The following GRIK4 variants were observed in gnomAD, a reference collection of about 807,000 sequenced individuals.
GRIK4 encodes the protein glutamate ionotropic receptor kainate type subunit 4.
GRIK4 carries 40 observed loss-of-function variants against 104.9 expected under a neutral mutation model. The observed-to-expected ratio is 0.38, with a 90% CI of 0.30 to 0.50. The LOEUF (loss-of-function observed/expected upper bound fraction) is 0.50, where lower values mean the gene tolerates loss of function less well. Ranked by LOEUF, GRIK4 falls within the 20% of genes least tolerant of loss-of-function variation. The pLI, the probability that GRIK4 is intolerant of heterozygous loss-of-function variation, is 0.93. For synonymous variants in GRIK4, 485 were observed against 524.9 expected, an observed-to-expected ratio of 0.92 and a Z score of 1.04; for missense variants, 1,047 against 1,308.1, an observed-to-expected ratio of 0.80 and a Z score of 3.08.
At chr11:120,767,378 A>C (rs1055796474) in intron 3 of GRIK4, among the ~76,000 whole-genome samples, 10 of 152,116 alleles carry the variant, frequency 6.6e-5, no homozygotes, top group Non-Finnish European at 1.3e-4. Flanking sequence ...TCCTTTGCCC[A>C]TTTTTAAATT....
chr11:120,968,051 C>T (rs992166271), intron 19 of GRIK4, among the ~76,000 whole-genome samples: 3 of 152,198 alleles, frequency 2.0e-5, no homozygotes, highest in African/African-American at 7.2e-5. Context: ...ATGTAAGTTT[C>T]ATGAGGGTAG....
chr11:120,697,523 G>C lies in GRIK4; in HGVS notation c.82+37123G>C, dbSNP rs147743267. On this transcript the variant is annotated intron_variant, in intron 3 of 20. Transcript: ENST00000527524. ...CTAGCTACTGGGGAGGCTGAGGCAG[G>C]AGAATTGCTTGAGCCCGAAAGACAG... is the stretch of plus-strand genomic sequence containing the variant. 1.4e-4 allele frequency among the ~76,000 whole-genome samples: 21 copies of C among 152,326 alleles called. 1 individual carries two copies. The East Asian group carries it at 4.0e-3, about 29-fold the overall frequency.
intron 1 of GRIK4, among the ~76,000 whole-genome samples, chr11:120,577,398 T>G (rs1948499240): frequency 6.6e-6 from 1 of 151,928 alleles, no homozygotes; most frequent in Non-Finnish European, 1.5e-5. Context: ...AGAAGGGGCT[T>G]CTTCTGGTTC....
chr11:120,764,631 G>A (rs997389576), intron 3 of GRIK4, among the ~76,000 whole-genome samples: 5 of 151,702 alleles, frequency 3.3e-5, no homozygotes, highest in African/African-American at 4.8e-5. Context: ...TCCTTCAGGA[G>A]CTCTTGTAAG....
chr11:120,745,783 T>C (rs1477196594), intron 3 of GRIK4, among the ~76,000 whole-genome samples: 6 of 152,202 alleles, frequency 3.9e-5, no homozygotes, highest in Admixed American at 1.3e-4. Context: ...GGATGAAGAC[T>C]GAGAAAGAGA....
chr11:120,873,252 A>G (rs1954664366), intron 9 of GRIK4: 1 of 151,650 alleles, frequency 6.6e-6, no homozygotes. Context: ...TCCACTTTCT[A>G]GTCTTTGTTC....
At chr11:120,770,107 G>A (rs1376947009) in intron 3 of GRIK4, among the ~76,000 whole-genome samples, 3 of 152,170 alleles carry the variant, frequency 2.0e-5, no homozygotes, top group East Asian at 1.9e-4. Flanking sequence ...CAGTTAGTCC[G>A]TAAGTAGTCA....
intron 3 of GRIK4, among the ~76,000 whole-genome samples, chr11:120,670,423 T>C (rs1949995380): frequency 6.6e-6 from 1 of 152,258 alleles, no homozygotes. Context: ...TGAACTGCCC[T>C]TTATTCTGAT....
In GRIK4 at chr11:120,940,486, T is replaced by G. The variant is rs758241981; in HGVS notation, c.1590+26T>G. The G allele has an allele frequency of 2.3e-6, 3 of 1,289,668 alleles. No homozygotes were observed. The highest frequency in any genetic ancestry group is 3.4e-6 in the Non-Finnish European group (3 of 888,692). The allele number at this position is 1,289,668 out of a possible 1,614,324, so 79.9% of individuals were successfully genotyped here. A position where few individuals can be genotyped will look rare whatever the true frequency, so the allele number is the denominator to read the frequency against. On this transcript the variant is annotated intron_variant, in intron 14 of 20. Transcript: ENST00000527524. This position sits in a 1 kb window ranked among gnomAD's most constrained non-coding sequence, Gnocchi z 4.3. ...GTAAGAGACTTATTTTATAAGCATT[T>G]ATGTCATTAAAGTTATTTGCATGCA...
rs374813110 is a variant in GRIK4, at chr11:120,676,858, T to C, written c.82+16458T>C. On this transcript the variant is annotated intron_variant, in intron 3 of 20. Transcript: ENST00000527524. The stretch of plus-strand genomic sequence containing the variant: ...GACTGGGTTTTAGGATGTGGGCATC[T>C]TTGGGGGCCATTATTCTTTCTACAA... Among the ~76,000 whole-genome samples, 10 of 152,338 alleles carry C rather than the reference T, an allele frequency of 6.6e-5. No individual in the cohort carries two copies. In the South Asian group the frequency reaches 1.7e-3, roughly 25 times the overall value.
rs1336105256 is a variant in GRIK4 at position 120,660,268 on chromosome 11, G to A, written c.-50-1G>A. 1 of 1,364,204 alleles carries A rather than the reference G, an allele frequency of 7.3e-7. No homozygotes were observed. Among genetic ancestry groups the A allele is most frequent in the South Asian group, 1.2e-5 (1 of 85,358 alleles). The allele number at this position is 1,364,204 out of a possible 1,614,324, so 84.5% of individuals were successfully genotyped here. On this transcript the variant is annotated splice_acceptor_variant, in intron 2 of 20. Coordinates refer to ENST00000527524, the MANE Select transcript of GRIK4 (RefSeq NM_014619.5). LOFTEE classifies it low-confidence loss of function (5UTR_SPLICE). ...CGTGCCCCCAACCCCCTCTCTCGCAGAGTTATGTCATGCCCAGGCCAGCAG... is the reference window on the plus strand; with the variant it reads ...CGTGCCCCCAACCCCCTCTCTCGCAAAGTTATGTCATGCCCAGGCCAGCAG...
chr11:120,616,590 G>A (rs1486664129), intron 1 of GRIK4, among the ~76,000 whole-genome samples: 1 of 152,204 alleles, frequency 6.6e-6, no homozygotes, highest in Non-Finnish European at 1.5e-5. Flanking sequence ...TTTGGCCATG[G>A]TGGCCAGGAA....
chr11:120,656,104 T>C (rs2135229662), intron 2 of GRIK4, among the ~76,000 whole-genome samples: 1 of 152,326 alleles, frequency 6.6e-6, no homozygotes, highest in South Asian at 2.1e-4. Context: ...GCCCCTGAAT[T>C]ATTAAAATAT....
At chr11:120,767,854 T>A in intron 3 of GRIK4, among the ~76,000 whole-genome samples, 1 of 152,182 alleles carries the variant, frequency 6.6e-6, no homozygotes, top group East Asian at 1.9e-4. Flanking sequence ...ATCAGTTGAC[T>A]GTTTATGTTT....
At chr11:120,722,611 TC>T (rs1449854678) in intron 3 of GRIK4, among the ~76,000 whole-genome samples, 1 of 109,212 alleles carries the variant, frequency 9.2e-6, no homozygotes, top group African/African-American at 3.0e-5. Context: ...CGAGACTCCA[TC>T]AAAAAAAAAA....
At position 120,911,791 on chromosome 11, in the gene GRIK4, G is replaced by A. The variant is rs369581389; in HGVS notation, c.1476+6298G>A. On this transcript the variant is annotated intron_variant, in intron 13 of 20. Transcript: ENST00000527524. ...TGGGAGGTGGAGGTTGCAGTGAGCC[G>A]AGATCGTGTGCCATTGCATTCCAGC... Among the ~76,000 whole-genome samples the A allele has an allele frequency of 2.7e-5, 4 of 146,106 alleles. No homozygotes were observed. In the East Asian group the frequency reaches 6.1e-4, roughly 22 times the overall value.
At chr11:120,924,121 T>C (rs917150489) in intron 13 of GRIK4, among the ~76,000 whole-genome samples, 1 of 152,226 alleles carries the variant, frequency 6.6e-6, no homozygotes, top group African/African-American at 2.4e-5. Context: ...AAGCTGTTTG[T>C]GCCAGACGAG....
At chr11:120,804,910 C>A (rs1196238642) in intron 4 of GRIK4, among the ~76,000 whole-genome samples, 1 of 152,164 alleles carries the variant, frequency 6.6e-6, no homozygotes, top group Admixed American at 6.5e-5. Flanking sequence ...GAGGGCCATA[C>A]CATATAGAAC....
intron 3 of GRIK4, among the ~76,000 whole-genome samples, chr11:120,801,626 AT>A (rs1952623016): frequency 6.6e-6 from 1 of 152,126 alleles, no homozygotes; most frequent in Admixed American, 6.6e-5. Context: ...GGTAAACCAC[AT>A]TTTTTTATCT....
Sources: allele counts gnomAD v4.1 joint callset (sites outside exome capture counted in the v4.1 genomes callset), GRCh38; gene constraint gnomAD v4.1.1; non-coding constraint Gnocchi (gnomAD v3.1); transcripts MANE v1.5; gene names NCBI Gene and HGNC (gene_info 2026-07-23, HGNC 2026-07-21).